Variants in DNAH10 observed in about 807,000 individuals in gnomAD.
DNAH10 encodes the protein dynein axonemal heavy chain 10, also known as axonemal beta dynein heavy chain 10.
DNAH10 carries 348 observed loss-of-function variants against 506.6 expected under a neutral mutation model. The ratio of observed to expected loss-of-function variants is 0.69; its 90% confidence interval spans 0.63 to 0.75. The LOEUF is 0.75. DNAH10 is among the 30% of genes least tolerant of loss of function. DNAH10 has a pLI of 0.00. For synonymous variants in DNAH10, 2,059 were observed against 2,198.6 expected, an observed-to-expected ratio of 0.94 and a Z score of 1.78; for missense variants, 5,179 against 5,787.1, an observed-to-expected ratio of 0.89 and a Z score of 3.41.
chr12:123,918,190 G>A (rs753020851), intron 64 of DNAH10, among the ~76,000 whole-genome samples: 8 of 152,228 alleles, frequency 5.3e-5, no homozygotes, highest in African/African-American at 1.9e-4. Context: ...CTGGGTTGGC[G>A]TCATTCTCTG....
intron 16 of DNAH10, among the ~76,000 whole-genome samples, chr12:123,803,054 G>C (rs895297874): frequency 2.6e-5 from 4 of 152,044 alleles, no homozygotes; most frequent in African/African-American, 7.3e-5. Context: ...GAGGGCCTCT[G>C]GTAGAGCAAA....
intron 1 of DNAH10, 83 bp from the exon 2 acceptor site, chr12:123,767,523 T>G: frequency 7.3e-7 from 1 of 1,363,182 alleles, no homozygotes; most frequent in African/African-American, 1.4e-5. Flanking sequence ...ACCCCTTGGC[T>G]CCACAGAAAG....
At chr12:123,908,869 GTGA>G (rs1049336015) in intron 57 of DNAH10, among the ~76,000 whole-genome samples, 6 of 152,040 alleles carry the variant, frequency 3.9e-5, no homozygotes, top group Non-Finnish European at 8.8e-5. Context: ...GATGGTGATG[GTGA>G]TGATGATGAT....
In DNAH10 at chr12:123,853,111, G is replaced by A. The variant is rs1215180973; in HGVS notation, c.6292-95G>A. 1.5e-6 allele frequency: 2 copies of A among 1,303,398 alleles called. No individual in the cohort carries two copies. Among genetic ancestry groups the A allele is most frequent in the East Asian group, 2.6e-5 (1 of 38,738 alleles). The allele number at this position is 1,303,398 out of a possible 1,614,324, so 80.7% of individuals were successfully genotyped here. ...GTAGAGCAGCTGCACTGGAACACCT[G>A]CCCCCGTTTTCTTGCATTTGTAGAA... On this transcript the variant is annotated intron_variant, in intron 35 of 78. Transcript: ENST00000673944. This position sits in a 1 kb window ranked among gnomAD's most constrained non-coding sequence, Gnocchi z 4.7.
intron 37 of DNAH10, among the ~76,000 whole-genome samples, chr12:123,858,405 C>T (rs548611923): frequency 4.6e-5 from 7 of 152,100 alleles, no homozygotes; most frequent in African/African-American, 9.7e-5. Flanking sequence ...GGGTACCGGC[C>T]GTGGACGAGA....
At position 123,846,144 on chromosome 12, in the gene DNAH10, C is replaced by T. The variant is rs749750717; in HGVS notation, c.5804C>T (p.Thr1935Met). 1.9e-5 allele frequency: 31 copies of T among 1,611,838 alleles called. No individual in the cohort carries two copies. Among genetic ancestry groups the T allele is most frequent in the South Asian group, 1.7e-4 (15 of 90,878 alleles). ...CCCCTCACCGATCGGATTTACCTGA[C>T]GCTCACCCAGGTGACTGCCAGCCTG... ...ITPLTDRIYLTLTQALSMYLG... is the reference protein window; with the variant it reads ...ITPLTDRIYLMLTQALSMYLG... The change falls in exon 32 of 79, where the codon ACG (threonine) becomes ATG (methionine). Residue 1935 changes from threonine to methionine, a missense_variant. Coordinates refer to ENST00000673944, the MANE Select transcript of DNAH10 (RefSeq NM_001372106.1). The surrounding 1 kb of genome is among the most constrained non-coding windows in gnomAD (Gnocchi z 4.5).
chr12:123,918,654 G>T, intron 64 of DNAH10, 22 bp from the exon 65 acceptor site: 1 of 1,533,106 alleles, frequency 6.5e-7, no homozygotes, highest in Non-Finnish European at 8.8e-7. Context: ...CTGTTTCCAG[G>T]GTCACCTGTG....
rs199857559 is a variant in DNAH10, at chr12:123,808,804, C to G, written c.2995C>G (p.Gln999Glu). The part of the protein sequence containing the change: ...VLTKLILKNL[Q>E]SFNSLILGNV... ...CTCATCAACCCCTCTTAGGAACTTG[C>G]AGTCTTTTAATTCTTTGATCCTTGG... is the stretch of plus-strand genomic sequence containing the variant. The change falls in exon 19 of 79, where the codon CAG (glutamine) becomes GAG (glutamate). Residue 999 changes from glutamine (Q) to glutamate (E), a missense_variant. Physicochemically the swap from Gln to Glu is conservative, Grantham distance 29. This residue lies in a region of DNAH10 where 4,844 missense variants were observed against 5,430.5 expected (regional missense o/e 0.89). Transcript: ENST00000673944. The G allele has an allele frequency of 1.5e-4, 237 of 1,614,062 alleles. No individual in the cohort carries two copies. Among genetic ancestry groups the G allele is most frequent in the Non-Finnish European group, 1.3e-4 (150 of 1,179,984 alleles).
At position 123,913,874 on chromosome 12, in the gene DNAH10, A is replaced by AT. The variant is rs1365302121; in HGVS notation, c.10353-451dup. 6.6e-6 allele frequency among the ~76,000 whole-genome samples: 1 copy of AT among 152,220 alleles called. No homozygotes were observed. Among genetic ancestry groups the AT allele is most frequent in the Non-Finnish European group, 1.5e-5 (1 of 68,046 alleles). ...AAATGTTGTTTGCGTGTGGGAAACAATTTTCAGTATTTCTTAAACCTAAGT... is the reference window on the plus strand; with the variant it reads ...AAATGTTGTTTGCGTGTGGGAAACAATTTTTCAGTATTTCTTAAACCTAAGT... On this transcript the variant is annotated intron_variant, in intron 60 of 78. Transcript: ENST00000673944. This position sits in a 1 kb window ranked among gnomAD's most constrained non-coding sequence, Gnocchi z 5.1.
rs1423978634 is a variant in DNAH10, at chr12:123,787,202, ATATT to A, written c.1422-598_1422-595del. Among the ~76,000 whole-genome samples the A allele has an allele frequency of 3.9e-5, 6 of 152,200 alleles. No individual in the cohort carries two copies. Among genetic ancestry groups the A allele is most frequent in the Non-Finnish European group, 8.8e-5 (6 of 68,032 alleles). On this transcript the variant is annotated intron_variant, in intron 9 of 78. Transcript: ENST00000673944. This position sits in a 1 kb window ranked among gnomAD's most constrained non-coding sequence, Gnocchi z 4.6. ...TCTATATGTATCTAGATAGATATCTATATTTATCCATATCTATACATAGGTATCT... is the reference window on the plus strand; with the variant it reads ...TCTATATGTATCTAGATAGATATCTATATCCATATCTATACATAGGTATCT...
chr12:123,926,753 T>G lies in DNAH10; in HGVS notation c.12038T>G (p.Leu4013Ter). 2 of 1,614,014 alleles carry G rather than the reference T, an allele frequency of 1.2e-6. 1 individual carries two copies. The highest frequency in any genetic ancestry group is 2.2e-5 in the South Asian group (2 of 91,082). Residue 4013 changes from leucine (L) to a stop codon, truncating the protein, a stop_gained, in exon 69 of 79, where the codon TTA (leucine) becomes TGA (stop). Transcript: ENST00000673944. LOFTEE classifies it high-confidence loss of function. The surrounding 1 kb of genome is among the most constrained non-coding windows in gnomAD (Gnocchi z 4.1). ...GSDPATDLMK[L>*]AERSGFGGNR... ...GACCCTGCCACTGATCTTATGAAAT[T>G]AGCAGAGCGAAGTGGTTTTGGAGGA...
At chr12:123,879,015 A>G (rs1952381410) in intron 48 of DNAH10, among the ~76,000 whole-genome samples, 1 of 152,246 alleles carries the variant, frequency 6.6e-6, no homozygotes, top group Non-Finnish European at 1.5e-5. Flanking sequence ...ATTTATAGAC[A>G]ACGCTCTTTT....
At chr12:123,781,655 G>A (rs183281621) in intron 6 of DNAH10, among the ~76,000 whole-genome samples, 1 of 152,178 alleles carries the variant, frequency 6.6e-6, no homozygotes, top group Admixed American at 6.5e-5. Context: ...TAATAGAGAC[G>A]GGGTTTTACC....
chr12:123,919,046 A>G lies in DNAH10; in HGVS notation c.11506+97A>G. 2.2e-6 allele frequency: 3 copies of G among 1,373,198 alleles called. No homozygotes were observed. The highest frequency in any genetic ancestry group is 2.9e-6 in the Non-Finnish European group (3 of 1,035,690). The allele number at this position is 1,373,198 out of a possible 1,614,324, so 85.1% of individuals were successfully genotyped here. On this transcript the variant is annotated intron_variant, in intron 65 of 78. Coordinates refer to ENST00000673944, the MANE Select transcript of DNAH10 (RefSeq NM_001372106.1). The surrounding 1 kb of genome is among the most constrained non-coding windows in gnomAD (Gnocchi z 4.9). ...ATCTGTGAAAATGGAAAGTTACCAA[A>G]TAGCATTTTTTCTTTTTTCTTTCTT...
At chr12:123,790,851 G>A (rs1165674999) in intron 11 of DNAH10, among the ~76,000 whole-genome samples, 2 of 152,206 alleles carry the variant, frequency 1.3e-5, no homozygotes, top group African/African-American at 4.8e-5. Context: ...TAGGTCGGGT[G>A]TAGCGGCTCA....
At chr12:123,889,996 C>A (rs1179389119) in intron 52 of DNAH10, among the ~76,000 whole-genome samples, 1 of 152,180 alleles carries the variant, frequency 6.6e-6, no homozygotes, top group African/African-American at 2.4e-5. Flanking sequence ...TCGTCTCCAG[C>A]CCACCTGGGT....
chr12:123,933,391 C>T lies in DNAH10; in HGVS notation c.13357C>T (p.Leu4453Phe). Residue 4453 changes from leucine (L) to phenylalanine (F), a missense_variant, in exon 77 of 79, where the codon CTC (leucine) becomes TTC (phenylalanine). Physicochemically the swap from Leu to Phe is conservative, Grantham distance 22. Around this residue, in one of 3 missense-constraint regions of DNAH10, gnomAD observed 4,844 missense variants for 5,430.5 expected, o/e 0.89. Coordinates refer to ENST00000673944, the MANE Select transcript of DNAH10 (RefSeq NM_001372106.1). ...GGGGCTGCACATCCCTGAGTCCTAC[C>T]TCACGGCGCTGGTGCAGGCCACCTG... is the stretch of plus-strand genomic sequence containing the variant. ...LSGLHIPESY[L>F]TALVQATCRK... The T allele has an allele frequency of 6.2e-7, 1 of 1,611,528 alleles. No individual in the cohort carries two copies. The highest frequency in any genetic ancestry group is 8.5e-7 in the Non-Finnish European group (1 of 1,179,596).
intron 34 of DNAH10, among the ~76,000 whole-genome samples, chr12:123,849,982 G>A (rs1337650727): frequency 6.6e-6 from 1 of 152,192 alleles, no homozygotes; most frequent in African/African-American, 2.4e-5. Flanking sequence ...TCCAGAAGCT[G>A]TGTTTCTCAG....
At chr12:123,814,896 C>T (rs1474568257) in intron 21 of DNAH10, among the ~76,000 whole-genome samples, 2 of 152,206 alleles carry the variant, frequency 1.3e-5, no homozygotes, top group Non-Finnish European at 1.5e-5. Flanking sequence ...GGATTACAGG[C>T]ATGAGCCACC....
Sources: allele counts gnomAD v4.1 joint callset (sites outside exome capture counted in the v4.1 genomes callset), GRCh38; gene constraint gnomAD v4.1.1; regional missense constraint gnomAD v4.1.1; non-coding constraint Gnocchi (gnomAD v3.1); transcripts MANE v1.5; gene names NCBI Gene and HGNC (gene_info 2026-07-23, HGNC 2026-07-21).